Variants in TRMT11 observed in about 807,000 individuals in gnomAD.
The protein encoded by TRMT11 is tRNA methyltransferase 11.
A neutral mutation model predicts 62.8 loss-of-function variants in TRMT11; 53 were observed. The observed-to-expected ratio is 0.84, with a 90% CI of 0.68 to 1.06. The LOEUF is 1.06. Among genes scored for constraint, TRMT11 ranks in the 50% least tolerant of loss-of-function variants. The pLI is 0.00. For synonymous variants in TRMT11, 188 were observed against 190.3 expected, an observed-to-expected ratio of 0.99 and a Z score of 0.10; for missense variants, 556 against 553.4, an observed-to-expected ratio of 1.00 and a Z score of -0.05.
chr6:125,997,691 TA>T (rs1791758189), intron 3 of TRMT11, among the ~76,000 whole-genome samples: 1 of 152,188 alleles, frequency 6.6e-6, no homozygotes, highest in African/African-American at 2.4e-5. Flanking sequence ...GCCTTTTTTG[TA>T]GAGACAAGGT....
intron 12 of TRMT11, among the ~76,000 whole-genome samples, chr6:126,037,099 A>T (rs762891381): frequency 2.0e-5 from 3 of 151,796 alleles, no homozygotes; most frequent in African/African-American, 4.8e-5. Flanking sequence ...CTATATTCTC[A>T]GAGCTCCTCC....
the TRMT11 span, among the ~76,000 whole-genome samples, chr6:126,223,296 C>T: frequency 1.3e-5 from 2 of 152,088 alleles, no homozygotes; most frequent in Non-Finnish European, 2.9e-5. Flanking sequence ...TGGTGGGCGC[C>T]TGTAGTCCCA....
chr6:126,089,870 T>A (rs375295725), intron 17 of TRMT11, among the ~76,000 whole-genome samples: 1 of 152,220 alleles, frequency 6.6e-6, no homozygotes, highest in African/African-American at 2.4e-5. Flanking sequence ...AGAGCAGCAA[T>A]GTGGTGCTAA....
chr6:126,004,882 T>C (rs1793118504), intron 7 of TRMT11, among the ~76,000 whole-genome samples: 1 of 152,086 alleles, frequency 6.6e-6, no homozygotes. Context: ...TTTTTTCCTT[T>C]AGACTGTTTG....
At chr6:125,992,290 G>A (rs1275444224) in intron 1 of TRMT11, among the ~76,000 whole-genome samples, 1 of 152,100 alleles carries the variant, frequency 6.6e-6, no homozygotes, top group African/African-American at 2.4e-5. Context: ...GTTTTAGCTT[G>A]TTGCAGCTTT....
chr6:125,991,315 G>T (rs991738097), intron 1 of TRMT11, among the ~76,000 whole-genome samples: 3 of 151,910 alleles, frequency 2.0e-5, no homozygotes, highest in African/African-American at 7.3e-5. Context: ...GCAGTGGCGT[G>T]ACCGTGGCTC....
At chr6:126,162,660 C>T (rs1778204992) in intron 21 of TRMT11, among the ~76,000 whole-genome samples, 1 of 152,144 alleles carries the variant, frequency 6.6e-6, no homozygotes, top group South Asian at 2.1e-4. Context: ...GGCAGCATGG[C>T]CATTTTTATG....
intron 17 of TRMT11, among the ~76,000 whole-genome samples, chr6:126,054,546 C>A (rs905301311): frequency 3.2e-4 from 48 of 152,206 alleles, no homozygotes; most frequent in Admixed American, 2.8e-3. Context: ...GCTCTTCACA[C>A]AGTGCTGACG....
At chr6:126,245,093 A>G in the TRMT11 span, among the ~76,000 whole-genome samples, 1 of 152,110 alleles carries the variant, frequency 6.6e-6, no homozygotes, top group Non-Finnish European at 1.5e-5. Context: ...ATTTGTCTTC[A>G]GTTTCTTTTT....
At chr6:126,213,178 T>C in the TRMT11 span, among the ~76,000 whole-genome samples, 1 of 152,270 alleles carries the variant, frequency 6.6e-6, no homozygotes, top group African/African-American at 2.4e-5. Flanking sequence ...TATGGCTCTG[T>C]AGTATAATTT....
intron 1 of TRMT11, among the ~76,000 whole-genome samples, chr6:126,197,101 C>T (rs1562346536): frequency 1.3e-5 from 2 of 152,102 alleles, no homozygotes; most frequent in Non-Finnish European, 2.9e-5. Context: ...TTATTCTTAC[C>T]TATTTATCAA....
intron 17 of TRMT11, among the ~76,000 whole-genome samples, chr6:126,094,320 AG>A (rs1777316640): frequency 6.6e-6 from 1 of 152,248 alleles, no homozygotes; most frequent in Non-Finnish European, 1.5e-5. Flanking sequence ...ATTCAGCAAT[AG>A]GATGGAAAAG....
chr6:125,999,729 T>G, intron 7 of TRMT11, 116 bp downstream of exon 7: 1 of 904,674 alleles, frequency 1.1e-6, no homozygotes, highest in Non-Finnish European at 1.7e-6. Context: ...TGTGTTTGGA[T>G]AGTGGCCAAC....
At chr6:126,183,300 G>A (rs1778488450) in intron 1 of TRMT11, among the ~76,000 whole-genome samples, 1 of 152,076 alleles carries the variant, frequency 6.6e-6, no homozygotes, top group South Asian at 2.1e-4. Context: ...TTTATGAGCC[G>A]AGTCTTTCCA....
Position 126,163,588 on chromosome 6 carries a change from C to T in TRMT11, c.*1824-11237C>T, listed in dbSNP as rs546210074. Among the ~76,000 whole-genome samples the T allele has an allele frequency of 2.2e-4, 34 of 152,222 alleles. No individual in the cohort carries two copies. The South Asian group carries it at 6.6e-3, about 30-fold the overall frequency. ...CTCATAAAATGATTTAGGGAGGAGT[C>T]CCTCTTTTCTATTGTTTGGAATAGT... On this transcript the variant is annotated intron_variant and NMD_transcript_variant, in intron 21 of 22. Transcript: ENST00000648977.
At chr6:125,994,934 C>T (rs1021284334) in intron 2 of TRMT11, among the ~76,000 whole-genome samples, 2 of 152,154 alleles carry the variant, frequency 1.3e-5, no homozygotes, top group African/African-American at 2.4e-5. Flanking sequence ...ATAATAAGAA[C>T]ATATGGACAT....
the TRMT11 span, among the ~76,000 whole-genome samples, chr6:126,234,142 A>G: frequency 2.0e-5 from 3 of 152,144 alleles, no homozygotes; most frequent in Non-Finnish European, 4.4e-5. Context: ...TTTGAGGACA[A>G]CAAAAAAGCA....
intron 6 of TRMT11, among the ~76,000 whole-genome samples, chr6:125,998,931 TA>T: frequency 6.6e-6 from 1 of 152,078 alleles, no homozygotes; most frequent in Non-Finnish European, 1.5e-5. Context: ...AAACAAGACT[TA>T]CCAGAACATC....
At chr6:126,008,051 G>A (rs1187116850) in intron 7 of TRMT11, among the ~76,000 whole-genome samples, 1 of 151,782 alleles carries the variant, frequency 6.6e-6, no homozygotes, top group Admixed American at 6.6e-5. Context: ...AGCCTTATAT[G>A]CTCATTTTTA....
Sources: gnomAD v4.1 joint callset for allele counts (sites outside exome capture counted in the v4.1 genomes callset) on GRCh38, gnomAD v4.1.1 for gene constraint, MANE v1.5 for transcripts, NCBI Gene and HGNC (gene_info 2026-07-23, HGNC 2026-07-21) for gene names.